DOCK9: variants seen among roughly 807,000 people sequenced by gnomAD.
The protein encoded by DOCK9 is dedicator of cytokinesis protein 9.
Under a neutral mutation model 263.3 loss-of-function variants are expected in DOCK9, and 89 were observed. The ratio of observed to expected loss-of-function variants is 0.34; its 90% confidence interval spans 0.28 to 0.40. The LOEUF is 0.40. Among genes scored for constraint, DOCK9 ranks in the 10% least tolerant of loss-of-function variants. The pLI is 1.00. For synonymous variants in DOCK9, 976 were observed against 973.1 expected (o/e 1.00, Z -0.06); for missense variants, 2,140 against 2,603.4 (o/e 0.82, Z 3.87).
intron 1 of DOCK9, among the ~76,000 whole-genome samples, chr13:98,974,355 T>A (rs1004319161): frequency 2.0e-5 from 3 of 152,176 alleles, no homozygotes; most frequent in African/African-American, 7.2e-5. Flanking sequence ...CCTCACTTAC[T>A]GTCACAATGC....
intron 1 of DOCK9, among the ~76,000 whole-genome samples, chr13:99,021,145 C>T (rs1169420990): frequency 6.6e-6 from 1 of 152,160 alleles, no homozygotes; most frequent in Non-Finnish European, 1.5e-5. Flanking sequence ...GGCACAGAGC[C>T]TAGTATATAC....
chr13:98,880,811 G>T, intron 25 of DOCK9, 139 bp from the exon 26 acceptor site: 2 of 1,157,516 alleles, frequency 1.7e-6, no homozygotes, highest in Non-Finnish European at 1.2e-6. Flanking sequence ...TACAAAGATG[G>T]GAAGGGTGAG....
At chr13:99,063,165 T>C (rs776972674) in intron 1 of DOCK9, among the ~76,000 whole-genome samples, 117 of 152,200 alleles carry the variant, frequency 7.7e-4, no homozygotes, top group Non-Finnish European at 1.3e-3. Flanking sequence ...ACAGGAAGGC[T>C]TGTGCAGTAA....
chr13:99,031,496 C>T (rs2142065523), intron 1 of DOCK9, among the ~76,000 whole-genome samples: 1 of 152,292 alleles, frequency 6.6e-6, no homozygotes, highest in East Asian at 1.9e-4. Flanking sequence ...AGTATTTACA[C>T]ACATAAGATT....
intron 9 of DOCK9, 147 bp downstream of exon 9, chr13:98,914,181 G>A (rs1886551): frequency 0.57 from 366,025 of 647,456 alleles, 105,215 homozygotes; most frequent in Middle Eastern, 0.61. Context: ...ATGAGTACAC[G>A]TCACCTCGTA....
In DOCK9 at chr13:98,952,112, G is replaced by T. The variant is rs184497716; in HGVS notation, c.243+3323C>A. Among the ~76,000 whole-genome samples the T allele has an allele frequency of 6.6e-5, 10 of 151,670 alleles. No individual in the cohort carries two copies. In the East Asian group the frequency reaches 1.4e-3, roughly 21 times the overall value. The stretch of plus-strand genomic sequence containing the variant: ...GGGGTTTTGCCATGTTGGCCAGGCT[G>T]GTCTCAAACACCTGACCTCAGGTGA... On this transcript the variant is annotated intron_variant, in intron 2 of 52. Transcript: ENST00000682017.
chr13:99,072,043 C>CT (rs1396395822), intron 1 of DOCK9, among the ~76,000 whole-genome samples: 1 of 152,194 alleles, frequency 6.6e-6, no homozygotes, highest in African/African-American at 2.4e-5. Flanking sequence ...CCAGCCCCAC[C>CT]TTTTTTGCTA....
chr13:98,864,296 T>C (rs1424990348), intron 30 of DOCK9, among the ~76,000 whole-genome samples: 2 of 152,146 alleles, frequency 1.3e-5, no homozygotes, highest in East Asian at 3.8e-4. Context: ...GGAAAACAGA[T>C]AGGAGCAAAC....
rs556696027 is a variant in DOCK9, at chr13:99,000,443, C to G, written c.130-44892G>C. Among the ~76,000 whole-genome samples the G allele has an allele frequency of 5.3e-5, 8 of 152,278 alleles. No individual in the cohort carries two copies. The East Asian group carries it at 1.2e-3, about 22-fold the overall frequency. On this transcript the variant is annotated intron_variant, in intron 1 of 32. Transcript: ENST00000427887. ...CCAAACTTCTCCTCCTGAGGGCTTG[C>G]TTGGCAGAGTAGCTTAGTAGAGGGT...
At chr13:99,079,021 A>T (rs1455659836) in intron 1 of DOCK9, among the ~76,000 whole-genome samples, 1 of 152,216 alleles carries the variant, frequency 6.6e-6, no homozygotes, top group Non-Finnish European at 1.5e-5. Context: ...TATATAAGAG[A>T]TTTATGCTAA....
intron 1 of DOCK9, among the ~76,000 whole-genome samples, chr13:98,977,253 A>C (rs1000359427): frequency 1.3e-5 from 2 of 152,218 alleles, no homozygotes; most frequent in African/African-American, 4.8e-5. Context: ...TTCACAGTTT[A>C]GGTTCTTCCC....
intron 1 of DOCK9, among the ~76,000 whole-genome samples, chr13:98,992,217 G>A (rs959730969): frequency 6.6e-6 from 1 of 152,044 alleles, no homozygotes; most frequent in Non-Finnish European, 1.5e-5. Context: ...CTATTTGAAT[G>A]GTGTCTAAAA....
At chr13:99,031,031 T>C (rs138504237) in intron 1 of DOCK9, among the ~76,000 whole-genome samples, 28 of 152,166 alleles carry the variant, frequency 1.8e-4, no homozygotes, top group African/African-American at 4.8e-4. Context: ...AGAAGATTTT[T>C]CTCCAAAAAC....
At position 98,841,606 on chromosome 13, in the gene DOCK9, T is replaced by A. The variant is rs2093215381; in HGVS notation, c.4199-3997A>T. 2.0e-5 allele frequency among the ~76,000 whole-genome samples: 3 copies of A among 151,836 alleles called. No individual in the cohort carries two copies. In the South Asian group the frequency reaches 6.2e-4, roughly 32 times the overall value. On this transcript the variant is annotated intron_variant, in intron 38 of 52. Coordinates refer to ENST00000682017, the MANE Select transcript of DOCK9 (RefSeq NM_001366683.2). The stretch of plus-strand genomic sequence containing the variant: ...GAATCAAGGAAATAAGTGTCTTGTT[T>A]ATGAACAAAATTTTTTTTTTTTTTT...
chr13:99,008,376 G>GGC (rs1454928506), intron 1 of DOCK9, among the ~76,000 whole-genome samples: 4 of 151,730 alleles, frequency 2.6e-5, no homozygotes, highest in Admixed American at 2.0e-4. Context: ...TGGGATTATA[G>GGC]GTGCCTGCCA....
intron 41 of DOCK9, among the ~76,000 whole-genome samples, chr13:98,830,692 A>T (rs972805761): frequency 6.6e-6 from 1 of 152,074 alleles, no homozygotes; most frequent in Admixed American, 6.5e-5. Flanking sequence ...CTCTACAATA[A>T]CAGTGGTCAC....
At chr13:98,854,024 G>T (rs2093638791) in intron 34 of DOCK9, among the ~76,000 whole-genome samples, 1 of 152,154 alleles carries the variant, frequency 6.6e-6, no homozygotes. Flanking sequence ...GGTGCATTAT[G>T]GGGCGTGCTG....
At chr13:98,870,194 C>G (rs1038165776) in intron 27 of DOCK9, among the ~76,000 whole-genome samples, 53 of 152,302 alleles carry the variant, frequency 3.5e-4, no homozygotes, top group African/African-American at 1.2e-3. Context: ...ATGCCAGAAC[C>G]TATTAGGAAT....
At chr13:99,036,741 T>C (rs1415817745) in intron 1 of DOCK9, among the ~76,000 whole-genome samples, 1 of 152,176 alleles carries the variant, frequency 6.6e-6, no homozygotes, top group African/African-American at 2.4e-5. Flanking sequence ...GATTTCACCA[T>C]GTTGGCCAGG....
Sources: gnomAD v4.1 joint callset for allele counts (sites outside exome capture counted in the v4.1 genomes callset) on GRCh38, gnomAD v4.1.1 for gene constraint, MANE v1.5 for transcripts, NCBI Gene and HGNC (gene_info 2026-07-23, HGNC 2026-07-21) for gene names.